MDGA2: variants seen among roughly 807,000 people sequenced by gnomAD.
The protein encoded by MDGA2 is MAM domain-containing glycosylphosphatidylinositol anchor protein 2.
Under a neutral mutation model 117.8 loss-of-function variants are expected in MDGA2, and 40 were observed. That is an observed-to-expected ratio of 0.34 (90% confidence interval 0.26 to 0.44). The LOEUF is 0.44. Among genes scored for constraint, MDGA2 ranks in the 20% least tolerant of loss-of-function variants. The pLI, the probability that MDGA2 is intolerant of heterozygous loss-of-function variation, is 1.00. For missense variants in MDGA2, 1,123 were observed against 1,250.6 expected, an observed-to-expected ratio of 0.90 and a Z score of 1.54; for synonymous variants, 452 against 439.0, an observed-to-expected ratio of 1.03 and a Z score of -0.37.
chr14:47,161,289 A>C (rs10143163), intron 3 of MDGA2, among the ~76,000 whole-genome samples: 28,628 of 151,878 alleles, frequency 0.19, 2,915 homozygotes, highest in East Asian at 0.31. Flanking sequence ...TGAATTTAGC[A>C]TTTGTTTTGT....
chr14:47,224,851 G>C (rs569665606), intron 2 of MDGA2, among the ~76,000 whole-genome samples: 1 of 152,076 alleles, frequency 6.6e-6, no homozygotes, highest in Non-Finnish European at 1.5e-5. Flanking sequence ...TTATCCTTTT[G>C]TCCTGCACTG....
chr14:47,306,842 G>GGAGAGGGA (rs1555372058), intron 1 of MDGA2, among the ~76,000 whole-genome samples: 5 of 146,598 alleles, frequency 3.4e-5, no homozygotes, highest in South Asian at 4.4e-4. Context: ...AGAGAAAGAG[G>GGAGAGGGA]GAGAGAGAGA....
At chr14:47,176,295 A>C (rs1884443318) in intron 3 of MDGA2, among the ~76,000 whole-genome samples, 1 of 152,204 alleles carries the variant, frequency 6.6e-6, no homozygotes, top group African/African-American at 2.4e-5. Context: ...AAATGAAAAA[A>C]ACTACTTTAA....
intron 11 of MDGA2, 33 bp from the exon 12 acceptor site, chr14:46,877,542 A>G (rs750338631): frequency 6.1e-6 from 9 of 1,480,164 alleles, no homozygotes; most frequent in Non-Finnish European, 1.9e-6. Flanking sequence ...AAACAAACAA[A>G]AAAACAATGT....
chr14:47,123,094 T>G (rs936187975), intron 5 of MDGA2, among the ~76,000 whole-genome samples: 1 of 152,090 alleles, frequency 6.6e-6, no homozygotes, highest in Admixed American at 6.6e-5. Context: ...ATATTTGTAT[T>G]GTGAGATGGC....
intron 1 of MDGA2, among the ~76,000 whole-genome samples, chr14:47,602,133 T>C (rs1003480855): frequency 7.2e-5 from 11 of 152,200 alleles, no homozygotes; most frequent in African/African-American, 2.7e-4. Context: ...ACAAACTATT[T>C]TTTTAAAGTA....
chr14:47,417,092 T>G (rs956087808), intron 1 of MDGA2, among the ~76,000 whole-genome samples: 1 of 152,228 alleles, frequency 6.6e-6, no homozygotes, highest in Admixed American at 6.5e-5. Context: ...TCTGTTGAGA[T>G]GGCACATTCG....
rs200521340 is a variant in MDGA2 at position 47,319,287 on chromosome 14, CAA to C, written c.281-17739_281-17738del. ...ATCCTTGAGTTTGAACAAATTCAAA[CAA>C]ATCTTCTCTTCTGTGAGTGTACATT... On this transcript the variant is annotated intron_variant, in intron 1 of 16. Transcript: ENST00000399232. Among the ~76,000 whole-genome samples the C allele has an allele frequency of 9.4e-4, 142 of 151,508 alleles. 3 individuals carry two copies. The East Asian group carries it at 0.018, about 19-fold the overall frequency.
intron 1 of MDGA2, among the ~76,000 whole-genome samples, chr14:47,606,761 A>T (rs1896750877): frequency 6.6e-6 from 1 of 152,310 alleles, no homozygotes; most frequent in Middle Eastern, 3.4e-3. Context: ...AGCTGCTGTG[A>T]GTGAGTCAGA....
intron 1 of MDGA2, among the ~76,000 whole-genome samples, chr14:47,405,591 G>A (rs1365045484): frequency 6.6e-6 from 1 of 152,140 alleles, no homozygotes; most frequent in Non-Finnish European, 1.5e-5. Flanking sequence ...TGACTTTGAA[G>A]GTGCAATACT....
chr14:47,024,744 C>T (rs914315833), intron 8 of MDGA2, among the ~76,000 whole-genome samples: 11 of 152,144 alleles, frequency 7.2e-5, no homozygotes, highest in Non-Finnish European at 1.6e-4. Context: ...GTAATTTCCA[C>T]CTTTAAAATG....
chr14:47,134,866 A>T (rs1882377162), intron 4 of MDGA2, among the ~76,000 whole-genome samples: 1 of 151,788 alleles, frequency 6.6e-6, no homozygotes, highest in South Asian at 2.1e-4. Flanking sequence ...TGTAGTCAAT[A>T]TTCTAAAAGC....
intron 3 of MDGA2, among the ~76,000 whole-genome samples, chr14:47,207,996 A>G (rs889290480): frequency 5.9e-5 from 9 of 152,052 alleles, no homozygotes; most frequent in African/African-American, 2.2e-4. Flanking sequence ...TCAAGTATTG[A>G]AGCAAGGTCA....
At chr14:47,031,596 G>C (rs1356058537) in intron 8 of MDGA2, among the ~76,000 whole-genome samples, 1 of 152,070 alleles carries the variant, frequency 6.6e-6, no homozygotes, top group Non-Finnish European at 1.5e-5. Flanking sequence ...CAGCTGATAT[G>C]GTTTGGATCT....
intron 5 of MDGA2, among the ~76,000 whole-genome samples, chr14:47,103,660 T>C (rs1015232021): frequency 2.0e-5 from 3 of 152,242 alleles, no homozygotes; most frequent in African/African-American, 4.8e-5. Context: ...ATGGAAATGA[T>C]TGCAAAGGCA....
Position 47,360,469 on chromosome 14 carries a change from G to A in MDGA2, c.281-58919C>T, listed in dbSNP as rs563939871. 4.6e-5 allele frequency among the ~76,000 whole-genome samples: 7 copies of A among 151,958 alleles called. No homozygotes were observed. The South Asian group carries it at 6.2e-4, about 14-fold the overall frequency. On this transcript the variant is annotated intron_variant, in intron 1 of 16. Coordinates refer to ENST00000399232, the MANE Select transcript of MDGA2 (RefSeq NM_001113498.3). Reference sequence around the variant, plus strand: ...CAAGGAAGACATAAAAATGGGCAACGGGTATATGAAAAGGTGCTTTCCCAA... The same window carrying A: ...CAAGGAAGACATAAAAATGGGCAACAGGTATATGAAAAGGTGCTTTCCCAA...
intron 3 of MDGA2, among the ~76,000 whole-genome samples, chr14:47,156,453 T>C (rs977264367): frequency 6.6e-6 from 1 of 152,170 alleles, no homozygotes; most frequent in Admixed American, 6.5e-5. Context: ...CTCGAGTTTC[T>C]CTAGTGACAT....
At chr14:47,412,071 T>G (rs1050796429) in intron 1 of MDGA2, among the ~76,000 whole-genome samples, 4 of 152,118 alleles carry the variant, frequency 2.6e-5, no homozygotes, top group Non-Finnish European at 4.4e-5. Flanking sequence ...TAATATTTTT[T>G]GGAAAGAAGA....
chr14:47,297,629 T>C (rs1889123455), intron 2 of MDGA2, among the ~76,000 whole-genome samples: 1 of 152,178 alleles, frequency 6.6e-6, no homozygotes, highest in Non-Finnish European at 1.5e-5. Flanking sequence ...GGCAAACCCT[T>C]ACTTTCTTTC....
Sources: allele counts gnomAD v4.1 joint callset (sites outside exome capture counted in the v4.1 genomes callset), GRCh38; gene constraint gnomAD v4.1.1; transcripts MANE v1.5; gene names NCBI Gene and HGNC (gene_info 2026-07-23, HGNC 2026-07-21).